The following SHBG variants were observed in gnomAD, a reference collection of about 807,000 sequenced individuals.
SHBG encodes sex hormone-binding globulin.
Under a neutral mutation model 41.9 loss-of-function variants are expected in SHBG, and 37 were observed. The observed-to-expected ratio is 0.88, with a 90% confidence interval of 0.68 to 1.16. The LOEUF (loss-of-function observed/expected upper bound fraction) is 1.16, where lower values mean the gene tolerates loss of function less well. Among genes scored for constraint, SHBG ranks in the 50% most tolerant of loss-of-function variants. The probability of loss-of-function intolerance (pLI) is 0.00; values close to 1 mark genes in which losing one functional copy is unlikely to be tolerated. For missense variants in SHBG, 466 were observed against 499.9 expected, an observed-to-expected ratio of 0.93 and a Z score of 0.65; for synonymous variants, 217 against 205.8, an observed-to-expected ratio of 1.05 and a Z score of -0.47.
chr17:7,625,677 G>A (rs574693074), upstream of SHBG, among the ~76,000 whole-genome samples: 3 of 151,850 alleles, frequency 2.0e-5, no homozygotes, highest in East Asian at 5.8e-4. Flanking sequence ...GACTACCTGA[G>A]GTCAGGAATT....
chr17:7,631,001 A>G, intron 3 of SHBG, 132 bp downstream of exon 3: 1 of 977,962 alleles, frequency 1.0e-6, no homozygotes, highest in South Asian at 1.5e-5. Flanking sequence ...CAAAGTAGCT[A>G]TTCTTGGCCC....
At chr17:7,615,618 A>G (rs2071965918) in intron 1 of SHBG, among the ~76,000 whole-genome samples, 1 of 149,226 alleles carries the variant, frequency 6.7e-6, no homozygotes, top group East Asian at 2.0e-4. Context: ...CAGGGGTTCG[A>G]GACCAGCGTG....
Position 7,630,221 on chromosome 17 carries a change from C to T in SHBG, c.49C>T (p.Leu17=). ...TACCTCGCGCCTGCTGCTGTTGCTGCTGTTGCTACTACTGCGTCACACCCG... is the reference window on the plus strand; with the variant it reads ...TACCTCGCGCCTGCTGCTGTTGCTGTTGTTGCTACTACTGCGTCACACCCG... The part of the protein sequence containing the change: ...LATSRLLLLL[L]LLLLRHTRQG... The change falls in exon 1 of 8, where the codon CTG becomes TTG. Residue 17 remains leucine (L), a synonymous_variant. Transcript: ENST00000380450. The surrounding 1 kb of genome is among the most constrained non-coding windows in gnomAD (Gnocchi z 4.6). 6.2e-7 allele frequency: 1 copy of T among 1,613,016 alleles called. No homozygotes were observed. Among genetic ancestry groups the T allele is most frequent in the Non-Finnish European group, 8.5e-7 (1 of 1,179,524 alleles).
chr17:7,631,261 G>A lies in SHBG; in HGVS notation c.455G>A (p.Arg152His), dbSNP rs143269613. Reference protein sequence around the residue: ...LLEVDGEEVLRLRQVSGPLTS... With the variant: ...LLEVDGEEVLHLRQVSGPLTS... ...GAGGTGGATGGGGAGGAGGTGCTGC[G>A]CCTGAGACAGGTCTCTGGGCCCCTG... The change falls in exon 4 of 8, where the codon CGC becomes CAC. Residue 152 changes from arginine (R) to histidine (H), a missense_variant. Transcript: ENST00000380450. 14 of 1,610,300 alleles carry A rather than the reference G, an allele frequency of 8.7e-6. No individual in the cohort carries two copies. The highest frequency in any genetic ancestry group is 2.2e-5 in the South Asian group (2 of 90,408).
rs999477125 is a variant in SHBG at position 7,630,778 on chromosome 17, G to A, written c.302G>A (p.Arg101Gln). The change falls in exon 3 of 8, where the codon CGA becomes CAA. Residue 101 changes from arginine to glutamine, a missense_variant. By Grantham distance (43) the Arg-to-Gln change is conservative (BLOSUM62 1). Coordinates refer to ENST00000380450, the MANE Select transcript of SHBG (RefSeq NM_001040.5). The surrounding 1 kb of genome is among the most constrained non-coding windows in gnomAD (Gnocchi z 4.6). ...PKDDWFMLGL[R>Q]DGRPEIQLHN... ...GATGACTGGTTTATGCTGGGACTTC[G>A]AGACGGCAGGCCTGAGATCCAACTG... The A allele has an allele frequency of 8.1e-6, 13 of 1,613,940 alleles. No individual in the cohort carries two copies. Among genetic ancestry groups the A allele is most frequent in the Admixed American group, 1.7e-5 (1 of 59,980 alleles).
At chr17:7,614,663 G>C in intron 1 of SHBG, 1 of 417,162 alleles carries the variant, frequency 2.4e-6, no homozygotes, top group Non-Finnish European at 3.9e-6. Context: ...GAGCCGGGCC[G>C]GCCCCACGGC....
chr17:7,627,498 TG>T, upstream of SHBG: 3 of 1,033,630 alleles, frequency 2.9e-6, no homozygotes, highest in Non-Finnish European at 4.4e-6. This position sits in a 1 kb window ranked among gnomAD's most constrained non-coding sequence, Gnocchi z 4.8. Flanking sequence ...CCCCTCCCCC[TG>T]CCCCCGCCTC....
At chr17:7,627,109 G>T (rs777907646), upstream of SHBG, 3 of 1,612,576 alleles carry the variant, frequency 1.9e-6, no homozygotes, top group East Asian at 6.7e-5. The surrounding 1 kb of genome is among the most constrained non-coding windows in gnomAD (Gnocchi z 4.8). Context: ...AGGCCGGCTG[G>T]AGAGGTGGAC....
intron 1 of SHBG, among the ~76,000 whole-genome samples, chr17:7,620,883 G>A (rs914375520): frequency 3.3e-5 from 5 of 151,796 alleles, no homozygotes; most frequent in East Asian, 3.9e-4. Flanking sequence ...CACCTGCCTC[G>A]GCCTCCCAGA....
chr17:7,619,790 A>G (rs1292018688), intron 1 of SHBG, among the ~76,000 whole-genome samples: 6 of 152,108 alleles, frequency 3.9e-5, no homozygotes, highest in Non-Finnish European at 7.4e-5. Context: ...TTGGAAAAAT[A>G]GTGCTTCTCT....
upstream of SHBG, among the ~76,000 whole-genome samples, chr17:7,629,853 A>G (rs1309692500): frequency 6.6e-6 from 1 of 152,150 alleles, no homozygotes; most frequent in Non-Finnish European, 1.5e-5. Flanking sequence ...CCCCGAGTGG[A>G]CAGAAATCTT....
upstream of SHBG, chr17:7,626,662 G>C: frequency 6.2e-7 from 1 of 1,611,352 alleles, no homozygotes; most frequent in Non-Finnish European, 8.5e-7. Flanking sequence ...AAAAGAAAAA[G>C]GTTTTCTCAC....
chr17:7,630,495 C>G lies in SHBG; in HGVS notation c.191C>G (p.Thr64Ser). The change falls in exon 2 of 8, where the codon ACC (threonine) becomes AGC (serine). Residue 64 changes from threonine (T) to serine (S), a missense_variant. Physicochemically the swap from Thr to Ser is moderately conservative, Grantham distance 58. Coordinates refer to ENST00000380450, the MANE Select transcript of SHBG (RefSeq NM_001040.5). The surrounding 1 kb of genome is among the most constrained non-coding windows in gnomAD (Gnocchi z 4.6). ...ATCGCTGTCATGACCTTTGACCTCA[C>G]CAAGATCACAAAGTATGGGGTTGGC... The part of the protein sequence containing the change: ...EPIAVMTFDL[T>S]KITKTSSSFE... 1 of 1,614,054 alleles carries G rather than the reference C, an allele frequency of 6.2e-7. No homozygotes were observed.
chr17:7,627,682 G>T, upstream of SHBG: 1 of 1,609,202 alleles, frequency 6.2e-7, no homozygotes, highest in African/African-American at 1.3e-5. The surrounding 1 kb of genome is among the most constrained non-coding windows in gnomAD (Gnocchi z 4.8). Context: ...CTCGCAAACG[G>T]CAACTAGACC....
At chr17:7,615,482 T>C (rs146230941) in intron 1 of SHBG, among the ~76,000 whole-genome samples, 1 of 152,324 alleles carries the variant, frequency 6.6e-6, no homozygotes, top group East Asian at 1.9e-4. Flanking sequence ...CAGTCATGGC[T>C]CTTACCTTGA....
upstream of SHBG, chr17:7,626,395 T>C: frequency 6.3e-7 from 1 of 1,598,558 alleles, no homozygotes; most frequent in Admixed American, 1.7e-5. Flanking sequence ...GAAGAGTGCT[T>C]CAGCTGATGG....
upstream of SHBG, among the ~76,000 whole-genome samples, chr17:7,624,119 T>C (rs2072148040): frequency 6.6e-6 from 1 of 152,068 alleles, no homozygotes. Context: ...GACCAGCTAA[T>C]TTTTGTATTT....
At chr17:7,629,268 C>T (rs2072322893), upstream of SHBG, among the ~76,000 whole-genome samples, 1 of 151,662 alleles carries the variant, frequency 6.6e-6, no homozygotes, top group Admixed American at 6.6e-5. Context: ...GTCCCAACTA[C>T]TAAGGAGGCT....
At chr17:7,622,099 C>T (rs2072108994) in intron 1 of SHBG, among the ~76,000 whole-genome samples, 1 of 151,628 alleles carries the variant, frequency 6.6e-6, no homozygotes, top group South Asian at 2.1e-4. Context: ...CCCGCCTCGG[C>T]CTCCCAAAGT....
Sources: gnomAD v4.1 joint callset for allele counts (sites outside exome capture counted in the v4.1 genomes callset) on GRCh38, gnomAD v4.1.1 for gene constraint, Gnocchi (gnomAD v3.1) non-coding constraint, MANE v1.5 for transcripts, NCBI Gene and HGNC (gene_info 2026-07-23, HGNC 2026-07-21) for gene names.